The following TMEM245 variants were observed in gnomAD, a reference collection of about 807,000 sequenced individuals.
The protein encoded by TMEM245 is transmembrane protein 245.
TMEM245 carries 69 observed loss-of-function variants against 101.2 expected under a neutral mutation model. That is an observed-to-expected ratio of 0.68 (90% CI 0.56 to 0.83). The LOEUF is 0.83. Among genes scored for constraint, TMEM245 ranks in the 40% least tolerant of loss-of-function variants. TMEM245 has a pLI of 0.00. For synonymous variants in TMEM245, 537 were observed against 449.8 expected, an observed-to-expected ratio of 1.19 and a Z score of -2.45; for missense variants, 1,075 against 1,092.8, an observed-to-expected ratio of 0.98 and a Z score of 0.23.
intron 3 of TMEM245, among the ~76,000 whole-genome samples, chr9:109,105,353 T>C (rs1019007180): frequency 2.6e-5 from 4 of 152,140 alleles, no homozygotes; most frequent in Non-Finnish European, 4.4e-5. Flanking sequence ...TGGAAAATAA[T>C]AGGTGTTGGC....
chr9:109,022,249 C>T (rs531885143), intron 17 of TMEM245, among the ~76,000 whole-genome samples: 2 of 152,308 alleles, frequency 1.3e-5, no homozygotes, highest in South Asian at 4.1e-4. Context: ...TGAAGCACGC[C>T]TCTACTAGCA....
intron 12 of TMEM245, among the ~76,000 whole-genome samples, chr9:109,054,236 G>A (rs922062486): frequency 1.3e-5 from 2 of 152,142 alleles, no homozygotes; most frequent in African/African-American, 4.8e-5. Flanking sequence ...GAGGAAGAAG[G>A]AGGAGGATGA....
intron 17 of TMEM245, among the ~76,000 whole-genome samples, chr9:109,032,343 TTTGGTTG>T (rs954272788): frequency 2.0e-5 from 3 of 149,382 alleles, no homozygotes; most frequent in Non-Finnish European, 3.0e-5. Flanking sequence ...ATGCAATGCA[TTTGGTTG>T]TCCTATTTCT....
chr9:109,085,105 T>C (rs186538110), intron 7 of TMEM245, among the ~76,000 whole-genome samples: 42 of 152,312 alleles, frequency 2.8e-4, no homozygotes, highest in African/African-American at 9.6e-4. Context: ...TAGAGATTCA[T>C]TGAAATTATT....
intron 9 of TMEM245, among the ~76,000 whole-genome samples, chr9:109,065,160 T>C (rs1406488304): frequency 6.6e-6 from 1 of 152,212 alleles, no homozygotes; most frequent in Non-Finnish European, 1.5e-5. Context: ...GTTTCTCTGT[T>C]CACATGTCCT....
rs543832638 is a variant in TMEM245, at chr9:109,097,182, A to G, written c.800-3591T>C. 2.6e-5 allele frequency among the ~76,000 whole-genome samples: 4 copies of G among 152,376 alleles called. No homozygotes were observed. In the South Asian group the frequency reaches 8.3e-4, roughly 32 times the overall value. ...AAGTAAGCTAGATAAAGAAGACAGA[A>G]CAGTTCTATCTTGGAGAGGAAGCTC... On this transcript the variant is annotated intron_variant, in intron 3 of 17. Transcript: ENST00000374586.
At chr9:109,075,128 A>G (rs1050236280) in intron 8 of TMEM245, among the ~76,000 whole-genome samples, 3 of 152,242 alleles carry the variant, frequency 2.0e-5, no homozygotes, top group African/African-American at 7.2e-5. Flanking sequence ...TGAGCAGGAC[A>G]GTAGCGGTAC....
In TMEM245 at chr9:109,119,460, G is replaced by A; in HGVS notation, c.454C>T (p.Leu152Phe). The change falls in exon 1 of 18, where the codon CTC becomes TTC. Residue 152 changes from leucine to phenylalanine, a missense_variant. Physicochemically the swap from Leu to Phe is conservative, Grantham distance 22 (BLOSUM62 0). Transcript: ENST00000374586. ...ALRRRRLLLL[L>F]GAGGPLLYGL... ...TACAGGAGCGGGCCGCCGGCGCCGAGCAGCAGGAGCAGGCGGCGGCGGCGC... is the reference window on the plus strand; with the variant it reads ...TACAGGAGCGGGCCGCCGGCGCCGAACAGCAGGAGCAGGCGGCGGCGGCGC... 6.7e-7 allele frequency: 1 copy of A among 1,495,668 alleles called. No individual in the cohort carries two copies. The allele number at this position is 1,495,668 out of a possible 1,614,324, so 92.6% of individuals were successfully genotyped here.
At chr9:109,064,656 A>G in intron 9 of TMEM245, 89 bp from the exon 10 acceptor site, 1 of 1,044,490 alleles carries the variant, frequency 9.6e-7, no homozygotes, top group South Asian at 1.4e-5. Flanking sequence ...TTAATCCATA[A>G]CAGACAGACT....
At chr9:109,055,148 T>A (rs72760324) in intron 12 of TMEM245, among the ~76,000 whole-genome samples, 20,437 of 152,210 alleles carry the variant, frequency 0.13, 1,610 homozygotes, top group African/African-American at 0.19. Context: ...TGTCACTTCA[T>A]TCATCAATAA....
At chr9:109,064,845 G>A (rs528396408) in intron 9 of TMEM245, among the ~76,000 whole-genome samples, 80 of 152,252 alleles carry the variant, frequency 5.3e-4, no homozygotes, top group African/African-American at 1.9e-3. Context: ...GCAATGGCAC[G>A]ATCTCGGCTC....
chr9:109,065,557 T>C (rs1034216037), intron 9 of TMEM245, among the ~76,000 whole-genome samples: 2 of 152,330 alleles, frequency 1.3e-5, no homozygotes, highest in African/African-American at 2.4e-5. Flanking sequence ...CAAGGAACTA[T>C]AGCCCACAGC....
chr9:109,105,528 CAAAT>C (rs1301071216), intron 3 of TMEM245, among the ~76,000 whole-genome samples: 5 of 152,292 alleles, frequency 3.3e-5, no homozygotes, highest in Non-Finnish European at 2.9e-5. Context: ...AACGTGTATT[CAAAT>C]AAATACTTGC....
At chr9:109,042,905 G>A (rs919632540) in intron 14 of TMEM245, among the ~76,000 whole-genome samples, 1 of 145,042 alleles carries the variant, frequency 6.9e-6, no homozygotes, top group African/African-American at 2.6e-5. Context: ...GAGTGCAGTG[G>A]TGCAATCCTG....
chr9:109,102,062 C>G (rs564183999), intron 3 of TMEM245, among the ~76,000 whole-genome samples: 1 of 152,280 alleles, frequency 6.6e-6, no homozygotes, highest in African/African-American at 2.4e-5. Flanking sequence ...CTGTCTGAGT[C>G]ACTTGCCATT....
Sources: gnomAD v4.1 joint callset for allele counts (sites outside exome capture counted in the v4.1 genomes callset) on GRCh38, gnomAD v4.1.1 for gene constraint, MANE v1.5 for transcripts, NCBI Gene and HGNC (gene_info 2026-07-23, HGNC 2026-07-21) for gene names.